The following KIF1A variants were observed in gnomAD, a reference collection of about 807,000 sequenced individuals.
The protein encoded by KIF1A is kinesin family member 1A, also known as kinesin-like protein KIF1A.
KIF1A carries 46 observed loss-of-function variants against 227.3 expected under a neutral mutation model. The ratio of observed to expected loss-of-function variants is 0.20; its 90% confidence interval spans 0.16 to 0.26. The LOEUF (loss-of-function observed/expected upper bound fraction) is 0.26, where lower values mean the gene tolerates loss of function less well. KIF1A is among the 10% of genes least tolerant of loss of function. The pLI, the probability that KIF1A is intolerant of heterozygous loss-of-function variation, is 1.00. For synonymous variants in KIF1A, 1,022 were observed against 1,012.8 expected (o/e 1.01, Z -0.17); for missense variants, 1,683 against 2,485.9 (o/e 0.68, Z 6.87).
intron 9 of KIF1A, 34 bp from the exon 10 acceptor site, chr2:240,782,641 C>T (rs1316036032): frequency 3.9e-6 from 6 of 1,550,428 alleles, no homozygotes; most frequent in Non-Finnish European, 4.4e-6. Flanking sequence ...GGCTGAGGCC[C>T]GGAGCGAAGC....
rs1234987419 is a variant in KIF1A at position 240,740,526 on chromosome 2, A to G, written c.3750-162T>C. Among the ~76,000 whole-genome samples the G allele has an allele frequency of 6.6e-6, 1 of 152,122 alleles. No homozygotes were observed. The highest frequency in any genetic ancestry group is 2.4e-5 in the African/African-American group (1 of 41,414). On this transcript the variant is annotated intron_variant, in intron 35 of 48. Coordinates refer to ENST00000498729, the MANE Select transcript of KIF1A (RefSeq NM_001244008.2). This position sits in a 1 kb window ranked among gnomAD's most constrained non-coding sequence, Gnocchi z 6.1. ...ATGGAGACCACGGTCAGCTGAGCAC[A>G]GAAACCCACCAGGCCTCCTTGGCTA...
At chr2:240,818,293 G>A (rs573519568) in intron 1 of KIF1A, among the ~76,000 whole-genome samples, 2 of 152,216 alleles carry the variant, frequency 1.3e-5, no homozygotes, top group South Asian at 4.2e-4. Flanking sequence ...GCACCCTCCC[G>A]AGACTTCACC....
chr2:240,820,231 C>T (rs2058637892), upstream of KIF1A: 1 of 149,576 alleles, frequency 6.7e-6, no homozygotes, highest in South Asian at 2.0e-4. This position sits in a 1 kb window ranked among gnomAD's most constrained non-coding sequence, Gnocchi z 6.2. Flanking sequence ...ACGGCGCCGC[C>T]GCGTGACGGG....
rs1346407613 is a variant in KIF1A at position 240,779,152 on chromosome 2, ACAGTTCCACACT to A, written c.883-3238_883-3227del. On this transcript the variant is annotated intron_variant, in intron 10 of 48. Coordinates refer to ENST00000498729, the MANE Select transcript of KIF1A (RefSeq NM_001244008.2). ...CACACTCAGTTCCTCACAGTTCCAC[ACAGTTCCACACT>A]CAGTTCCACACTCAGTCCCTCACTC... Among the ~76,000 whole-genome samples the A allele has an allele frequency of 3.5e-5, 5 of 141,374 alleles. 1 individual carries two copies. The highest frequency in any genetic ancestry group is 4.5e-4 in the South Asian group (2 of 4,416). 92.7% of individuals were successfully genotyped at this position (141,374 alleles called of 152,430 possible).
intron 10 of KIF1A, among the ~76,000 whole-genome samples, chr2:240,777,759 T>G (rs1046502418): frequency 1.3e-5 from 2 of 152,174 alleles, no homozygotes; most frequent in African/African-American, 4.8e-5. Context: ...GGGAGGGACC[T>G]CGGATCCTCA....
Position 240,742,689 on chromosome 2 carries a change from C to T in KIF1A, c.3640+240G>A, listed in dbSNP as rs369091463. Among the ~76,000 whole-genome samples, 78 of 152,302 alleles carry T rather than the reference C, an allele frequency of 5.1e-4. 2 individuals are homozygous for T. Among genetic ancestry groups the T allele is most frequent in the South Asian group, 4.8e-3 (23 of 4,828 alleles). On this transcript the variant is annotated intron_variant, in intron 34 of 48. Transcript: ENST00000498729. ...CTCAAAGCCCCCGACCCTCTTGCTG[C>T]CTTCCTTCCTTGGCTCCCCACACCT...
chr2:240,763,291 C>T lies in KIF1A; in HGVS notation c.1824G>A (p.Gln608=). 6.2e-7 allele frequency: 1 copy of T among 1,605,476 alleles called. No homozygotes were observed. ...SHVFRFNHPE[Q]ARQERERTPC... ...GCGTGCGCTCACGCTCCTGCCGGGC[C>T]TGCTCGGGGTGGTTGAACCGGAACA... The change falls in exon 21 of 49, where the codon CAG becomes CAA. Residue 608 remains glutamine (Q), a synonymous_variant. Transcript: ENST00000498729.
At chr2:240,754,954 CG>C (rs2049661191) in intron 27 of KIF1A, among the ~76,000 whole-genome samples, 1 of 152,158 alleles carries the variant, frequency 6.6e-6, no homozygotes, top group Non-Finnish European at 1.5e-5. Flanking sequence ...TAGACACCTG[CG>C]CTCCCTCCCC....
intron 47 of KIF1A, among the ~76,000 whole-genome samples, chr2:240,718,790 C>A (rs1294056076): frequency 1.3e-5 from 2 of 152,222 alleles, no homozygotes; most frequent in African/African-American, 4.8e-5. Context: ...CTAGCTGTCA[C>A]CAGGAATATG....
chr2:240,812,931 A>C, intron 1 of KIF1A, among the ~76,000 whole-genome samples: 1 of 141,032 alleles, frequency 7.1e-6, no homozygotes, highest in African/African-American at 2.7e-5. Flanking sequence ...ATCAGCCTTC[A>C]CCTCGGGGAT....
chr2:240,783,667 A>T, intron 8 of KIF1A, 72 bp downstream of exon 8: 1 of 1,252,036 alleles, frequency 8.0e-7, no homozygotes, highest in Non-Finnish European at 1.1e-6. Context: ...ACCCCAACAG[A>T]GCCCTCCTGC....
chr2:240,753,527 C>G (rs1030992651), intron 27 of KIF1A, among the ~76,000 whole-genome samples: 1 of 152,188 alleles, frequency 6.6e-6, no homozygotes, highest in Non-Finnish European at 1.5e-5. Flanking sequence ...CCAAGCCCCT[C>G]GCAACCCCAG....
chr2:240,805,899 T>C (rs1158595574), intron 1 of KIF1A, among the ~76,000 whole-genome samples: 2 of 152,142 alleles, frequency 1.3e-5, no homozygotes, highest in Admixed American at 1.3e-4. Context: ...GATGAAAATA[T>C]AAAAATACTT....
In KIF1A at chr2:240,766,643, G is replaced by T. The variant is rs546843364; in HGVS notation, c.1684+272C>A. Reference sequence around the variant, plus strand: ...CAGCAGCTACCCCTGGCCACAGAAAGTACCAGGCATTTTCCCAAGCACCAA... The same window carrying T: ...CAGCAGCTACCCCTGGCCACAGAAATTACCAGGCATTTTCCCAAGCACCAA... On this transcript the variant is annotated intron_variant, in intron 19 of 48. Transcript: ENST00000498729. This position sits in a 1 kb window ranked among gnomAD's most constrained non-coding sequence, Gnocchi z 5.0. 6.6e-6 allele frequency among the ~76,000 whole-genome samples: 1 copy of T among 152,094 alleles called. No homozygotes were observed. The highest frequency in any genetic ancestry group is 6.5e-5 in the Admixed American group (1 of 15,276).
chr2:240,800,346 G>C (rs1037199971), intron 1 of KIF1A, among the ~76,000 whole-genome samples: 4 of 152,212 alleles, frequency 2.6e-5, no homozygotes, highest in Admixed American at 1.3e-4. Context: ...AAGGCGGCTT[G>C]GTGGGTGCAG....
At chr2:240,754,374 C>G (rs958443600) in intron 27 of KIF1A, among the ~76,000 whole-genome samples, 2 of 152,202 alleles carry the variant, frequency 1.3e-5, no homozygotes, top group Admixed American at 1.3e-4. Flanking sequence ...CCCCACTGCC[C>G]GTCCCAGTCT....
At position 240,789,098 on chromosome 2, in the gene KIF1A, G is replaced by T; in HGVS notation, c.183+138C>A. ...GCCTTCGCTGAGGACCGCTCAGGGT[G>T]ACCTTCCAGGGGAGCAGGGTGGGGT... On this transcript the variant is annotated intron_variant, in intron 3 of 48. Coordinates refer to ENST00000498729, the MANE Select transcript of KIF1A (RefSeq NM_001244008.2). The surrounding 1 kb of genome is among the most constrained non-coding windows in gnomAD (Gnocchi z 4.8). 1 of 682,746 alleles carries T rather than the reference G, an allele frequency of 1.5e-6. No individual in the cohort carries two copies. The highest frequency in any genetic ancestry group is 2.6e-6 in the Non-Finnish European group (1 of 388,520). The allele number at this position is 682,746 out of a possible 1,614,324, so 42.3% of individuals were successfully genotyped here.
chr2:240,726,708 A>C lies in KIF1A; in HGVS notation c.4122+118T>G. 1 of 499,252 alleles carries C rather than the reference A, an allele frequency of 2.0e-6. No individual in the cohort carries two copies. Among genetic ancestry groups the C allele is most frequent in the Non-Finnish European group, 3.6e-6 (1 of 275,880 alleles). 30.9% of individuals were successfully genotyped at this position (499,252 alleles called of 1,614,324 possible). ...TTTAAAAGGCACACAAATTTAACCCAGGGACTTGAGAACTAGAGAAGTCGT... is the reference window on the plus strand; with the variant it reads ...TTTAAAAGGCACACAAATTTAACCCCGGGACTTGAGAACTAGAGAAGTCGT... On this transcript the variant is annotated intron_variant, in intron 39 of 48. Transcript: ENST00000498729. This position sits in a 1 kb window ranked among gnomAD's most constrained non-coding sequence, Gnocchi z 5.2.
At chr2:240,774,021 C>T (rs2052390934) in intron 12 of KIF1A, among the ~76,000 whole-genome samples, 162 bp downstream of exon 12, 1 of 152,204 alleles carries the variant, frequency 6.6e-6, no homozygotes, top group Non-Finnish European at 1.5e-5. Flanking sequence ...CTATGCAGGC[C>T]CAGGAGCCTC....
Sources: gnomAD v4.1 joint callset for allele counts (sites outside exome capture counted in the v4.1 genomes callset) on GRCh38, gnomAD v4.1.1 for gene constraint, Gnocchi (gnomAD v3.1) non-coding constraint, MANE v1.5 for transcripts, NCBI Gene and HGNC (gene_info 2026-07-23, HGNC 2026-07-21) for gene names.